The following KCNG3 variants were observed in gnomAD, a reference collection of about 807,000 sequenced individuals.
KCNG3 encodes the protein potassium voltage-gated channel modifier subfamily G member 3.
Under a neutral mutation model 29.0 loss-of-function variants are expected in KCNG3, and 15 were observed. That is an observed-to-expected ratio of 0.52 (90% confidence interval 0.35 to 0.80). The LOEUF (loss-of-function observed/expected upper bound fraction) is 0.80, where lower values mean the gene tolerates loss of function less well. Ranked by LOEUF, KCNG3 falls within the 30% of genes least tolerant of loss-of-function variation. KCNG3 has a pLI of 0.01. For missense variants in KCNG3, 512 were observed against 605.7 expected, an observed-to-expected ratio of 0.85 and a Z score of 1.62; for synonymous variants, 322 against 248.9, an observed-to-expected ratio of 1.29 and a Z score of -2.76.
intron 1 of KCNG3, chr2:42,463,556 C>T (rs1051362162): frequency 2.4e-5 from 4 of 170,070 alleles, no homozygotes; most frequent in Admixed American, 1.9e-4. Context: ...CGGTAGCCAT[C>T]CAGCCAGCCC....
At chr2:42,489,520 T>A (rs987309012) in intron 1 of KCNG3, among the ~76,000 whole-genome samples, 1 of 152,208 alleles carries the variant, frequency 6.6e-6, no homozygotes, top group Admixed American at 6.5e-5. Flanking sequence ...AATATAACCA[T>A]CACGCTAAGA....
At chr2:42,426,986 C>G in the KCNG3 span, among the ~76,000 whole-genome samples, 1 of 152,164 alleles carries the variant, frequency 6.6e-6, no homozygotes, top group Non-Finnish European at 1.5e-5. Flanking sequence ...TAAAGACATT[C>G]TCAATGTACT....
intron 1 of KCNG3, among the ~76,000 whole-genome samples, chr2:42,469,028 A>C (rs980468898): frequency 6.6e-6 from 1 of 151,738 alleles, no homozygotes; most frequent in African/African-American, 2.4e-5. Context: ...ATTTTAGTGT[A>C]ATGTGATCAA....
the KCNG3 span, among the ~76,000 whole-genome samples, chr2:42,405,149 GAAA>G: frequency 1.3e-5 from 2 of 152,236 alleles, no homozygotes; most frequent in Non-Finnish European, 2.9e-5. Flanking sequence ...GAAGGAGATG[GAAA>G]TAACTATCCA....
At chr2:42,467,326 T>A (rs1350996086) in intron 1 of KCNG3, among the ~76,000 whole-genome samples, 2 of 152,164 alleles carry the variant, frequency 1.3e-5, no homozygotes, top group East Asian at 1.9e-4. Flanking sequence ...CTATTTTATA[T>A]AACACTGTCC....
intron 1 of KCNG3, among the ~76,000 whole-genome samples, chr2:42,473,441 C>T (rs1673342583): frequency 6.6e-6 from 1 of 151,816 alleles, no homozygotes; most frequent in South Asian, 2.1e-4. Flanking sequence ...CCTCCGCCTC[C>T]CAGGTTCAAG....
intron 1 of KCNG3, chr2:42,463,300 C>T (rs1317440912): frequency 2.1e-5 from 4 of 194,420 alleles, no homozygotes; most frequent in African/African-American, 4.7e-5. Context: ...AAGCAGGCAT[C>T]AGGGTCCATC....
the KCNG3 span, among the ~76,000 whole-genome samples, chr2:42,395,174 C>T: frequency 1.2e-4 from 18 of 152,136 alleles, no homozygotes; most frequent in African/African-American, 3.4e-4. Context: ...GGATACAAGC[C>T]CATGGGGACA....
chr2:42,443,860 G>A lies in KCNG3; in HGVS notation c.*74C>T. 2.5e-5 allele frequency: 36 copies of A among 1,414,768 alleles called. No individual in the cohort carries two copies. The highest frequency in any genetic ancestry group is 3.5e-5 in the Non-Finnish European group (36 of 1,035,258). 87.6% of individuals were successfully genotyped at this position (1,414,768 alleles called of 1,614,324 possible). On this transcript the variant is annotated 3_prime_UTR_variant, in exon 2 of 2. Coordinates refer to ENST00000306078, the MANE Select transcript of KCNG3 (RefSeq NM_133329.6). Reference sequence around the variant, plus strand: ...ACAATGCCACTGCAGTGCTCACCCAGCAAGAAACACATAAATATGAAGCAG... The same window carrying A: ...ACAATGCCACTGCAGTGCTCACCCAACAAGAAACACATAAATATGAAGCAG...
chr2:42,391,201 C>T, the KCNG3 span, among the ~76,000 whole-genome samples: 2 of 152,150 alleles, frequency 1.3e-5, no homozygotes, highest in African/African-American at 4.8e-5. Flanking sequence ...AGCAGAAGAA[C>T]ATTTCTAACA....
At chr2:42,485,499 C>T (rs575606570) in intron 1 of KCNG3, among the ~76,000 whole-genome samples, 19 of 151,584 alleles carry the variant, frequency 1.3e-4, no homozygotes, top group Non-Finnish European at 2.5e-4. Context: ...GGCTGGAGTG[C>T]AGTAGTGTTA....
rs1432746078 is a variant in KCNG3 at position 42,492,818 on chromosome 2, G to A, written c.665+19C>T. ...CGCGACAGGACGGACGGGACGGGTA[G>A]AGAAGCAGTGCGTCCTACCCGGAGG... is the stretch of plus-strand genomic sequence containing the variant. On this transcript the variant is annotated intron_variant, in intron 1 of 1. Transcript: ENST00000306078. 2.0e-6 allele frequency: 3 copies of A among 1,464,124 alleles called. No homozygotes were observed. Among genetic ancestry groups the A allele is most frequent in the Admixed American group, 2.6e-5 (1 of 37,934 alleles). 90.7% of individuals were successfully genotyped at this position (1,464,124 alleles called of 1,614,324 possible).
intron 1 of KCNG3, among the ~76,000 whole-genome samples, chr2:42,466,290 T>C (rs545751734): frequency 1.3e-5 from 2 of 152,042 alleles, no homozygotes; most frequent in African/African-American, 2.4e-5. Flanking sequence ...CCTGTAATCC[T>C]AGCTACTCGG....
chr2:42,434,666 CAAAAAAAAA>C, the KCNG3 span, among the ~76,000 whole-genome samples: 6 of 64,696 alleles, frequency 9.3e-5, no homozygotes, highest in African/African-American at 3.1e-4. Context: ...AACTCCATCT[CAAAAAAAAA>C]AAAAAAAAAA....
the KCNG3 span, among the ~76,000 whole-genome samples, chr2:42,418,635 T>C: frequency 5.9e-5 from 9 of 152,210 alleles, no homozygotes; most frequent in African/African-American, 2.2e-4. Context: ...AGAGAGATAA[T>C]GAATCATTGC....
chr2:42,467,264 G>C (rs1264282998), intron 1 of KCNG3, among the ~76,000 whole-genome samples: 1 of 152,044 alleles, frequency 6.6e-6, no homozygotes, highest in Admixed American at 6.6e-5. Flanking sequence ...TGCATACCGG[G>C]TCCAGATGAT....
At chr2:42,490,898 G>A (rs1432409902) in intron 1 of KCNG3, among the ~76,000 whole-genome samples, 1 of 152,150 alleles carries the variant, frequency 6.6e-6, no homozygotes, top group African/African-American at 2.4e-5. Flanking sequence ...CTGTTGAAGG[G>A]CAGAGGGGAG....
rs758524958 is a variant in KCNG3 at position 42,444,156 on chromosome 2, G to A, written c.1089C>T (p.Ala363=). Residue 363 remains alanine, a synonymous_variant, in exon 2 of 2, where the codon GCC becomes GCT. Transcript: ENST00000306078. The surrounding 1 kb of genome is among the most constrained non-coding windows in gnomAD (Gnocchi z 5.8). ...SNKDFTSIPA[A]CWWVIISMTT... ...TCATAGAGATAATCACCCACCAGCAGGCAGCAGGAATGCTGGTAAAGTCCT... is the reference window on the plus strand; with the variant it reads ...TCATAGAGATAATCACCCACCAGCAAGCAGCAGGAATGCTGGTAAAGTCCT... 3.1e-6 allele frequency: 5 copies of A among 1,614,148 alleles called. No individual in the cohort carries two copies. In the South Asian group the frequency reaches 5.5e-5, roughly 18 times the overall value.
intron 1 of KCNG3, 55 bp downstream of exon 1, chr2:42,492,782 G>A (rs1673928939): frequency 6.5e-6 from 9 of 1,379,194 alleles, no homozygotes; most frequent in Non-Finnish European, 8.5e-6. Flanking sequence ...CGTATGGACG[G>A]GACGGACAGA....
Sources: gnomAD v4.1 joint callset for allele counts (sites outside exome capture counted in the v4.1 genomes callset) on GRCh38, gnomAD v4.1.1 for gene constraint, Gnocchi (gnomAD v3.1) non-coding constraint, MANE v1.5 for transcripts, NCBI Gene and HGNC (gene_info 2026-07-23, HGNC 2026-07-21) for gene names.